The following PARG variants were observed in gnomAD, a reference collection of about 807,000 sequenced individuals.
PARG encodes mitochondrial poly(ADP-ribose) glycohydrolase.
A neutral mutation model predicts 113.0 loss-of-function variants in PARG; 35 were observed. The ratio of observed to expected loss-of-function variants is 0.31; its 90% confidence interval spans 0.24 to 0.41. PARG has a LOEUF of 0.41. PARG is among the 10% of genes least tolerant of loss of function. The pLI, the probability that PARG is intolerant of heterozygous loss-of-function variation, is 1.00. For synonymous variants in PARG, 330 were observed against 409.9 expected (o/e 0.81, Z 2.36); for missense variants, 797 against 1,169.4 (o/e 0.68, Z 4.64).
chr10:49,854,444 G>A (rs1845896090), intron 13 of PARG, among the ~76,000 whole-genome samples: 1 of 152,232 alleles, frequency 6.6e-6, no homozygotes, highest in Non-Finnish European at 1.5e-5. Context: ...CTAACCAAAA[G>A]CTTCAAAGGA....
intron 7 of PARG, among the ~76,000 whole-genome samples, chr10:49,907,275 T>TAGC (rs1309901779): frequency 5.9e-5 from 9 of 152,078 alleles, no homozygotes; most frequent in Non-Finnish European, 4.4e-5. Context: ...AAAAATTATT[T>TAGC]AGCCAGCTTA....
chr10:49,840,178 C>T (rs1318828529), intron 15 of PARG, among the ~76,000 whole-genome samples: 2 of 151,886 alleles, frequency 1.3e-5, no homozygotes, highest in African/African-American at 4.8e-5. Context: ...TCACTTGAGC[C>T]CAGGAGTTTG....
intron 16 of PARG, among the ~76,000 whole-genome samples, chr10:49,829,940 G>A (rs1362504231): frequency 6.6e-6 from 1 of 151,506 alleles, no homozygotes. Flanking sequence ...TAGCATCATA[G>A]TTTAGTAACC....
At chr10:49,892,016 C>T (rs1276643868) in intron 7 of PARG, among the ~76,000 whole-genome samples, 1 of 151,554 alleles carries the variant, frequency 6.6e-6, no homozygotes, top group Non-Finnish European at 1.5e-5. Context: ...CCTGGCCGGG[C>T]GTGGTGGCTC....
At chr10:49,850,001 G>A (rs1845686975) in intron 13 of PARG, among the ~76,000 whole-genome samples, 1 of 152,168 alleles carries the variant, frequency 6.6e-6, no homozygotes, top group Non-Finnish European at 1.5e-5. Context: ...CTGGGTGACA[G>A]AGATCCTGTG....
rs1334680193 is a variant in PARG, at chr10:49,921,051, G to GA, written c.1662+1284_1662+1285insT. Among the ~76,000 whole-genome samples, 4 of 152,218 alleles carry GA rather than the reference G, an allele frequency of 2.6e-5. No individual in the cohort carries two copies. In the East Asian group the frequency reaches 7.7e-4, roughly 29 times the overall value. On this transcript the variant is annotated intron_variant, in intron 6 of 17. Coordinates refer to ENST00000616448, the MANE Select transcript of PARG (RefSeq NM_003631.5). Reference sequence around the variant, plus strand: ...GAAGAATATATGGATAGGGAATGGGGTGGAGAAAGAAGGACGGAAATGTTG... The same window carrying GA: ...GAAGAATATATGGATAGGGAATGGGGATGGAGAAAGAAGGACGGAAATGTTG...
At chr10:49,915,186 GA>G (rs797038793) in intron 7 of PARG, among the ~76,000 whole-genome samples, 1,563 of 115,300 alleles carry the variant, frequency 0.014, 26 homozygotes, top group Admixed American at 0.056. Context: ...TCAAGAAAAA[GA>G]AAAAAAAAAA....
chr10:49,940,074 T>C (rs1589018140), intron 1 of PARG, among the ~76,000 whole-genome samples: 2 of 152,362 alleles, frequency 1.3e-5, no homozygotes, highest in East Asian at 1.9e-4. Context: ...ATGTTATCTA[T>C]GCCCATAGCA....
intron 4 of PARG, among the ~76,000 whole-genome samples, chr10:49,931,386 G>A (rs2132962700): frequency 6.6e-6 from 1 of 152,074 alleles, no homozygotes; most frequent in Admixed American, 6.5e-5. Context: ...GCAGCTGGAG[G>A]CTACAAGATT....
chr10:49,932,346 C>T, intron 3 of PARG, 63 bp from the exon 4 acceptor site: 1 of 986,944 alleles, frequency 1.0e-6, no homozygotes, highest in Non-Finnish European at 1.6e-6. Context: ...CTTAGATACA[C>T]AAGCACAAAA....
chr10:49,902,532 C>T (rs1265906727), intron 7 of PARG, among the ~76,000 whole-genome samples: 1 of 152,170 alleles, frequency 6.6e-6, no homozygotes, highest in Non-Finnish European at 1.5e-5. Flanking sequence ...CCTCTCCCTT[C>T]TACTGAATTC....
intron 9 of PARG, among the ~76,000 whole-genome samples, chr10:49,873,612 A>C (rs1554837965): frequency 1.6e-5 from 2 of 122,326 alleles, no homozygotes; most frequent in African/African-American, 6.1e-5. Context: ...GAATCAAAGC[A>C]AGCCATCAAA....
chr10:49,831,502 C>T (rs1844660064), intron 16 of PARG, among the ~76,000 whole-genome samples: 1 of 152,122 alleles, frequency 6.6e-6, no homozygotes, highest in African/African-American at 2.4e-5. Flanking sequence ...GTGCTGGTGC[C>T]TTTGTTCTGC....
chr10:49,826,365 T>C (rs1467651579), intron 16 of PARG, among the ~76,000 whole-genome samples: 1 of 152,142 alleles, frequency 6.6e-6, no homozygotes, highest in Non-Finnish European at 1.5e-5. Flanking sequence ...ACCTTCCATT[T>C]TTGGTTGGAA....
intron 16 of PARG, among the ~76,000 whole-genome samples, chr10:49,821,270 G>C (rs1844063914): frequency 6.6e-6 from 1 of 152,172 alleles, no homozygotes; most frequent in Non-Finnish European, 1.5e-5. Context: ...CAATAGATAG[G>C]ATTTTAAATA....
intron 15 of PARG, among the ~76,000 whole-genome samples, chr10:49,837,431 C>T (rs1489964129): frequency 2.0e-5 from 3 of 150,524 alleles, no homozygotes; most frequent in African/African-American, 7.3e-5. Flanking sequence ...CAGAATTGTG[C>T]AAGTCATCTC....
intron 13 of PARG, among the ~76,000 whole-genome samples, chr10:49,849,561 C>T (rs1412706032): frequency 6.6e-6 from 1 of 152,138 alleles, no homozygotes; most frequent in Non-Finnish European, 1.5e-5. Flanking sequence ...AAAACTTAAA[C>T]AAAAGATAGC....
intron 4 of PARG, among the ~76,000 whole-genome samples, chr10:49,926,542 G>C (rs1838175492): frequency 1.3e-5 from 2 of 152,144 alleles, no homozygotes; most frequent in African/African-American, 4.8e-5. Context: ...ACATAAGGGG[G>C]AACTGAAGAC....
At chr10:49,899,715 AGT>A (rs1848262935) in intron 7 of PARG, among the ~76,000 whole-genome samples, 1 of 151,960 alleles carries the variant, frequency 6.6e-6, no homozygotes, top group South Asian at 2.1e-4. Context: ...TGAAAGGCTG[AGT>A]CCAGGGGTCA....
Sources: gnomAD v4.1 joint callset for allele counts (sites outside exome capture counted in the v4.1 genomes callset) on GRCh38, gnomAD v4.1.1 for gene constraint, MANE v1.5 for transcripts, NCBI Gene and HGNC (gene_info 2026-07-23, HGNC 2026-07-21) for gene names.